VPS54: variants seen among roughly 807,000 people sequenced by gnomAD.
VPS54 encodes the protein VPS54 subunit of GARP complex.
In VPS54, 45 loss-of-function variants were observed where a neutral mutation model predicts 121.5. That is an observed-to-expected ratio of 0.37 (90% CI 0.29 to 0.47). VPS54 has a LOEUF of 0.47. Ranked by LOEUF, VPS54 falls within the 20% of genes least tolerant of loss-of-function variation. The probability of loss-of-function intolerance (pLI) is 0.99; values close to 1 mark genes in which losing one functional copy is unlikely to be tolerated. For synonymous variants in VPS54, 371 were observed against 385.8 expected (o/e 0.96, Z 0.45); for missense variants, 1,090 against 1,131.4 (o/e 0.96, Z 0.52).
intron 11 of VPS54, among the ~76,000 whole-genome samples, chr2:63,939,370 C>G (rs528587400): frequency 6.8e-6 from 1 of 147,176 alleles, no homozygotes; most frequent in Non-Finnish European, 1.5e-5. Flanking sequence ...AACTCTACCT[C>G]AAAAAAAAAC....
chr2:63,978,708 C>T (rs1676660551), intron 3 of VPS54, among the ~76,000 whole-genome samples: 1 of 152,164 alleles, frequency 6.6e-6, no homozygotes, highest in Non-Finnish European at 1.5e-5. Flanking sequence ...AAACCTCCAC[C>T]TCCCAGGTTC....
intron 1 of VPS54, among the ~76,000 whole-genome samples, chr2:64,009,029 A>C (rs1351309200): frequency 6.6e-6 from 1 of 152,204 alleles, no homozygotes; most frequent in Non-Finnish European, 1.5e-5. Context: ...AACTGTGAAG[A>C]GGGAATCTGA....
intron 22 of VPS54, among the ~76,000 whole-genome samples, chr2:63,894,593 T>C (rs1051823884): frequency 8.6e-5 from 13 of 151,922 alleles, no homozygotes; most frequent in Admixed American, 2.0e-4. Flanking sequence ...GTCGCAGTTA[T>C]TGGGGAGTCT....
rs1221944730 is a variant in VPS54, at chr2:63,962,151, A to G, written c.917T>C (p.Leu306Ser). The change falls in exon 7 of 23, where the codon TTA becomes TCA. Residue 306 changes from leucine (L) to serine (S), a missense_variant. Leu to Ser is a moderately radical substitution (Grantham distance 145, BLOSUM62 -2). Around this residue, in one of 2 missense-constraint regions of VPS54, gnomAD observed 801 missense variants for 757.0 expected, o/e 1.06. Coordinates refer to ENST00000272322, the MANE Select transcript of VPS54 (RefSeq NM_016516.3). ...TCCAACAAATTCAGAAGTAGATAATAACACCTGTACTGTAGGCTGAGTCTG... is the reference window on the plus strand; with the variant it reads ...TCCAACAAATTCAGAAGTAGATAATGACACCTGTACTGTAGGCTGAGTCTG... ...VHQTQPTVQV[L>S]LSTSEFVGAL... 2 of 1,611,426 alleles carry G rather than the reference A, an allele frequency of 1.2e-6. No individual in the cohort carries two copies. Among genetic ancestry groups the G allele is most frequent in the Non-Finnish European group, 1.7e-6 (2 of 1,177,764 alleles).
At chr2:63,944,687 T>C (rs1357865554) in intron 9 of VPS54, 32 bp from the exon 10 acceptor site, 1 of 1,540,082 alleles carries the variant, frequency 6.5e-7, no homozygotes, top group Admixed American at 1.7e-5. Context: ...AAAAACAATT[T>C]GATTAATTGT....
At chr2:63,950,973 G>A (rs747207173) in intron 7 of VPS54, among the ~76,000 whole-genome samples, 3 of 151,892 alleles carry the variant, frequency 2.0e-5, no homozygotes, top group African/African-American at 4.8e-5. Context: ...ACCATCCTTT[G>A]CTGGCATTAA....
chr2:64,013,823 C>G (rs1009592033), intron 1 of VPS54, among the ~76,000 whole-genome samples: 2 of 151,396 alleles, frequency 1.3e-5, no homozygotes, highest in African/African-American at 4.8e-5. Context: ...AAAAATCTTA[C>G]TGAATAGCTG....
At chr2:63,948,815 C>T (rs938185050) in intron 8 of VPS54, among the ~76,000 whole-genome samples, 1 of 152,178 alleles carries the variant, frequency 6.6e-6, no homozygotes, top group Non-Finnish European at 1.5e-5. Flanking sequence ...CATTTTAACT[C>T]TAATTTCTAA....
intron 1 of VPS54, among the ~76,000 whole-genome samples, chr2:63,990,222 G>C (rs146884726): frequency 1.3e-5 from 2 of 152,026 alleles, no homozygotes; most frequent in Non-Finnish European, 2.9e-5. Flanking sequence ...CCCACCTAAC[G>C]ATGCTGAAAA....
At chr2:63,927,105 G>A (rs1032101735) in intron 12 of VPS54, among the ~76,000 whole-genome samples, 5 of 152,222 alleles carry the variant, frequency 3.3e-5, no homozygotes, top group Admixed American at 3.3e-4. Context: ...GCAGCAGACA[G>A]CTTCTCCAGA....
At chr2:63,907,606 T>C (rs555122132) in intron 20 of VPS54, among the ~76,000 whole-genome samples, 2 of 151,242 alleles carry the variant, frequency 1.3e-5, no homozygotes, top group South Asian at 4.2e-4. Flanking sequence ...CTGAATTTCA[T>C]CAAAATCAAA....
At chr2:63,971,448 A>G (rs1285995974) in intron 4 of VPS54, among the ~76,000 whole-genome samples, 1 of 152,210 alleles carries the variant, frequency 6.6e-6, no homozygotes, top group Non-Finnish European at 1.5e-5. Context: ...ACCACTGCCT[A>G]TGCTTCAGTC....
intron 12 of VPS54, among the ~76,000 whole-genome samples, chr2:63,932,165 C>T (rs976904250): frequency 2.6e-5 from 4 of 152,222 alleles, no homozygotes; most frequent in African/African-American, 7.2e-5. Context: ...GGCATATACC[C>T]AAAGGATTAT....
Position 63,921,238 on chromosome 2 carries a change from G to T in VPS54, c.1837C>A (p.Arg613=). 3.7e-6 allele frequency: 6 copies of T among 1,609,196 alleles called. No homozygotes were observed. The East Asian group carries it at 1.1e-4, about 30-fold the overall frequency. The part of the protein sequence containing the change: ...LYSASDICHD[R]AVKFLMSRAK... ...CTTGACATGAGAAATTTGACAGCTC[G>T]ATCATGGCATATATCTGAGGCACTA... The change falls in exon 13 of 23, where the codon CGA becomes AGA. Residue 613 remains arginine (R), a synonymous_variant. Transcript: ENST00000272322.
At chr2:63,962,943 G>A (rs1675834784) in intron 6 of VPS54, among the ~76,000 whole-genome samples, 1 of 152,046 alleles carries the variant, frequency 6.6e-6, no homozygotes, top group African/African-American at 2.4e-5. Flanking sequence ...AATATAGGTA[G>A]TATTATTATC....
chr2:63,950,706 AAGAGATAGCCTATCCCTTCCTGTCTT>A (rs1261259074), intron 7 of VPS54, among the ~76,000 whole-genome samples: 1 of 152,180 alleles, frequency 6.6e-6, no homozygotes, highest in Admixed American at 6.5e-5. Flanking sequence ...ACAAAACAGT[AAGAGATAGCCTATCCCTTCCTGTCTT>A]AAATCCTGGT....
chr2:63,932,786 A>AT (rs921738266), intron 12 of VPS54, among the ~76,000 whole-genome samples: 5 of 152,096 alleles, frequency 3.3e-5, no homozygotes, highest in Non-Finnish European at 7.4e-5. Context: ...TATTGGTTCT[A>AT]TTTTTTTGAT....
At chr2:63,904,820 T>TA (rs749303212) in intron 20 of VPS54, among the ~76,000 whole-genome samples, 1 of 152,176 alleles carries the variant, frequency 6.6e-6, no homozygotes, top group Non-Finnish European at 1.5e-5. Flanking sequence ...AAAGAAATCT[T>TA]AGACATAAAA....
At chr2:63,912,689 T>C in intron 18 of VPS54, 28 bp from the exon 19 acceptor site, 1 of 1,536,710 alleles carries the variant, frequency 6.5e-7, no homozygotes, top group South Asian at 1.3e-5. Flanking sequence ...AGATATATAA[T>C]GGAGAAATAA....
Sources: allele counts gnomAD v4.1 joint callset (sites outside exome capture counted in the v4.1 genomes callset), GRCh38; gene constraint gnomAD v4.1.1; regional missense constraint gnomAD v4.1.1; transcripts MANE v1.5; gene names NCBI Gene and HGNC (gene_info 2026-07-23, HGNC 2026-07-21).